Variants in THAP4 observed in about 807,000 individuals in gnomAD.
The protein encoded by THAP4 is THAP domain containing 4, also known as peroxynitrite isomerase THAP4.
In THAP4, 18 loss-of-function variants were observed where a neutral mutation model predicts 48.1. The ratio of observed to expected loss-of-function variants is 0.37; its 90% CI spans 0.26 to 0.56. The LOEUF (loss-of-function observed/expected upper bound fraction) is 0.56. THAP4 is among the 20% of genes least tolerant of loss of function. The pLI is 0.78. For synonymous variants in THAP4, 345 were observed against 324.9 expected (o/e 1.06, Z -0.66); for missense variants, 656 against 774.9 (o/e 0.85, Z 1.82).
chr2:241,617,865 A>C (rs1472816788), intron 2 of THAP4, among the ~76,000 whole-genome samples: 3 of 152,056 alleles, frequency 2.0e-5, no homozygotes, highest in Non-Finnish European at 2.9e-5. Flanking sequence ...ACTCATCTTC[A>C]CCTGGACATG....
At chr2:241,622,499 T>G (rs1031224443) in intron 2 of THAP4, among the ~76,000 whole-genome samples, 1 of 151,804 alleles carries the variant, frequency 6.6e-6, no homozygotes, top group Non-Finnish European at 1.5e-5. Context: ...CGTCAGAAAC[T>G]AAAATGTATG....
intron 2 of THAP4, among the ~76,000 whole-genome samples, chr2:241,607,356 C>A (rs1032385552): frequency 2.0e-5 from 3 of 152,014 alleles, no homozygotes; most frequent in Admixed American, 6.6e-5. Flanking sequence ...ATGACCCTCA[C>A]CCTGGCTGGA....
chr2:241,600,627 C>T (rs1242467868), intron 5 of THAP4, among the ~76,000 whole-genome samples: 1 of 149,268 alleles, frequency 6.7e-6, no homozygotes, highest in African/African-American at 2.5e-5. Flanking sequence ...ACTCGGGAGG[C>T]TGAGGCAGGA....
chr2:241,620,924 T>G (rs1467736845), intron 2 of THAP4, among the ~76,000 whole-genome samples: 2 of 151,978 alleles, frequency 1.3e-5, no homozygotes, highest in East Asian at 1.9e-4. Context: ...TGATATTTCA[T>G]GTCTACTTTG....
intron 5 of THAP4, among the ~76,000 whole-genome samples, chr2:241,588,019 A>AGAAG (rs562678447): frequency 7.8e-5 from 11 of 141,164 alleles, no homozygotes; most frequent in Non-Finnish European, 1.2e-4. Context: ...AGGAGAGAAA[A>AGAAG]GAAGGAAGGA....
intron 4 of THAP4, among the ~76,000 whole-genome samples, chr2:241,602,447 C>G (rs1334796985): frequency 2.0e-5 from 3 of 152,064 alleles, no homozygotes; most frequent in Admixed American, 2.0e-4. Context: ...TCACCGCAAC[C>G]TCTGCCTCCC....
chr2:241,614,963 C>T (rs2067319800), intron 2 of THAP4, among the ~76,000 whole-genome samples: 1 of 152,158 alleles, frequency 6.6e-6, no homozygotes, highest in African/African-American at 2.4e-5. Context: ...AACAGTCATG[C>T]AAACTGGCCT....
intron 1 of THAP4, among the ~76,000 whole-genome samples, 182 bp downstream of exon 1, chr2:241,636,759 C>G (rs2067668835): frequency 2.7e-5 from 4 of 150,506 alleles, no homozygotes; most frequent in Admixed American, 2.0e-4. Flanking sequence ...CTGCGCTGCC[C>G]GAGGCGCCCG....
chr2:241,593,525 G>C (rs2067013278), intron 5 of THAP4, among the ~76,000 whole-genome samples: 1 of 152,190 alleles, frequency 6.6e-6, no homozygotes, highest in South Asian at 2.1e-4. Context: ...GCCGACCCAG[G>C]AAGGCCGAGG....
In THAP4 at chr2:241,634,028, C is replaced by T; in HGVS notation, c.129G>A (p.Gln43=). 1 of 1,613,502 alleles carries T rather than the reference C, an allele frequency of 6.2e-7. No individual in the cohort carries two copies. The highest frequency in any genetic ancestry group is 1.3e-5 in the African/African-American group (1 of 75,020). ...KRLIQWLKAV[Q]RDNWTPTKYS... ...ACTTAGTGGGAGTCCAGTTATCCCT[C>T]TGAACAGCTTTTAACCATTGGATTA... The change falls in exon 2 of 6, where the codon CAG becomes CAA. Residue 43 remains glutamine, a synonymous_variant. Transcript: ENST00000407315.
intron 1 of THAP4, among the ~76,000 whole-genome samples, chr2:241,636,281 T>TA (rs1209529188): frequency 1.3e-5 from 2 of 152,262 alleles, no homozygotes; most frequent in African/African-American, 4.8e-5. Flanking sequence ...AAGTGGTTTT[T>TA]AAAGTCTGTT....
intron 2 of THAP4, among the ~76,000 whole-genome samples, chr2:241,630,436 G>A (rs1309373845): frequency 6.6e-6 from 1 of 152,194 alleles, no homozygotes; most frequent in African/African-American, 2.4e-5. Context: ...CTGTAATGGA[G>A]ACAAACTTCA....
chr2:241,607,346 A>G (rs1239857084), intron 2 of THAP4, among the ~76,000 whole-genome samples: 3 of 151,882 alleles, frequency 2.0e-5, no homozygotes, highest in Admixed American at 6.5e-5. Flanking sequence ...ATTCACTCAC[A>G]TGACCCTCAC....
chr2:241,613,571 T>C (rs1007255413), intron 2 of THAP4, among the ~76,000 whole-genome samples: 2 of 151,894 alleles, frequency 1.3e-5, no homozygotes, highest in African/African-American at 2.4e-5. Flanking sequence ...CCAGGCAACA[T>C]AGCAAAACAC....
intron 2 of THAP4, among the ~76,000 whole-genome samples, chr2:241,627,053 G>A (rs997380485): frequency 1.3e-5 from 2 of 152,028 alleles, no homozygotes; most frequent in African/African-American, 4.8e-5. Context: ...TTGTTTTTAG[G>A]ACAGAAAAAT....
intron 2 of THAP4, 74 bp from the exon 3 acceptor site, chr2:241,606,547 G>A (rs1050255305): frequency 8.9e-5 from 122 of 1,373,788 alleles, no homozygotes; most frequent in Non-Finnish European, 1.1e-4. Context: ...CAGAATGCAC[G>A]TTCCATATCG....
chr2:241,600,909 G>C (rs1041258889), intron 5 of THAP4, among the ~76,000 whole-genome samples: 2 of 151,896 alleles, frequency 1.3e-5, no homozygotes, highest in African/African-American at 2.4e-5. Context: ...GACTAGGGAA[G>C]TATGTGTCAC....
intron 5 of THAP4, among the ~76,000 whole-genome samples, chr2:241,593,235 G>C (rs930071136): frequency 3.3e-5 from 5 of 151,870 alleles, no homozygotes; most frequent in African/African-American, 1.2e-4. Flanking sequence ...ACAGTGCAAG[G>C]CTCTGTCTAA....
intron 2 of THAP4, among the ~76,000 whole-genome samples, chr2:241,613,902 A>C (rs1216410572): frequency 2.0e-5 from 3 of 152,178 alleles, no homozygotes; most frequent in Non-Finnish European, 2.9e-5. Context: ...CTATAATCCC[A>C]TAACTTTGAG....
Sources: gnomAD v4.1 joint callset for allele counts (sites outside exome capture counted in the v4.1 genomes callset) on GRCh38, gnomAD v4.1.1 for gene constraint, MANE v1.5 for transcripts, NCBI Gene and HGNC (gene_info 2026-07-23, HGNC 2026-07-21) for gene names.